The following PPM1H variants were observed in gnomAD, a reference collection of about 807,000 sequenced individuals.
The protein encoded by PPM1H is protein phosphatase, Mg2+/Mn2+ dependent 1H.
A neutral mutation model predicts 54.9 loss-of-function variants in PPM1H; 27 were observed. That is an observed-to-expected ratio of 0.49 (90% CI 0.36 to 0.68). The LOEUF is 0.68. Among genes scored for constraint, PPM1H ranks in the 30% least tolerant of loss-of-function variants. The pLI is 0.00. For missense variants in PPM1H, 596 were observed against 667.8 expected (o/e 0.89, Z 1.19); for synonymous variants, 305 against 270.8 (o/e 1.13, Z -1.24).
chr12:62,880,163 A>T (rs1870338171), intron 1 of PPM1H, among the ~76,000 whole-genome samples: 1 of 152,224 alleles, frequency 6.6e-6, no homozygotes, highest in Non-Finnish European at 1.5e-5. Flanking sequence ...ATGCATATAC[A>T]CACACACATA....
At chr12:62,828,008 T>A (rs1868309179) in intron 2 of PPM1H, among the ~76,000 whole-genome samples, 1 of 152,116 alleles carries the variant, frequency 6.6e-6, no homozygotes, top group South Asian at 2.1e-4. Context: ...AGACTCAGAG[T>A]TCAATATGTT....
chr12:62,704,343 T>C (rs533550791), intron 6 of PPM1H, among the ~76,000 whole-genome samples: 3 of 152,298 alleles, frequency 2.0e-5, no homozygotes, highest in African/African-American at 7.2e-5. Context: ...AGGCTCATCA[T>C]TGTATAGCAG....
chr12:62,801,727 C>T (rs904389351), intron 3 of PPM1H, 89 bp downstream of exon 3: 4 of 1,407,346 alleles, frequency 2.8e-6, no homozygotes, highest in African/African-American at 1.4e-5. Context: ...CAAAACCGTG[C>T]GCTTTCTGGG....
intron 4 of PPM1H, among the ~76,000 whole-genome samples, chr12:62,742,260 T>C (rs2076385709): frequency 6.6e-6 from 1 of 152,236 alleles, no homozygotes; most frequent in East Asian, 1.9e-4. Flanking sequence ...ATTTTTTCAC[T>C]TCCGTTTGAA....
intron 8 of PPM1H, among the ~76,000 whole-genome samples, chr12:62,683,429 T>G (rs757390900): frequency 6.6e-6 from 1 of 152,196 alleles, no homozygotes; most frequent in Non-Finnish European, 1.5e-5. Context: ...AGACAGGCTG[T>G]GATTGCTTGT....
intron 5 of PPM1H, among the ~76,000 whole-genome samples, chr12:62,735,048 C>CA (rs924283499): frequency 2.6e-5 from 4 of 150,990 alleles, no homozygotes; most frequent in African/African-American, 9.7e-5. Flanking sequence ...TGTCTCAAAA[C>CA]AAAAAACAAA....
intron 5 of PPM1H, among the ~76,000 whole-genome samples, chr12:62,727,280 G>A (rs163683): frequency 0.51 from 77,675 of 151,978 alleles, 23,836 homozygotes; most frequent in African/African-American, 0.86. Context: ...AAGGTGCTGA[G>A]TAAGTATTTG....
chr12:62,768,077 A>C (rs990015168), intron 4 of PPM1H, among the ~76,000 whole-genome samples: 2 of 152,206 alleles, frequency 1.3e-5, no homozygotes, highest in Admixed American at 6.5e-5. Context: ...TTGAGGGAAC[A>C]TAACAGTTCA....
At chr12:62,834,905 C>T (rs1179981192) in intron 1 of PPM1H, among the ~76,000 whole-genome samples, 2 of 152,054 alleles carry the variant, frequency 1.3e-5, no homozygotes, top group Non-Finnish European at 2.9e-5. Flanking sequence ...GTTATACCAC[C>T]ATGGTGTCCC....
intron 1 of PPM1H, among the ~76,000 whole-genome samples, chr12:62,896,347 C>T (rs1870987410): frequency 6.6e-6 from 1 of 152,040 alleles, no homozygotes; most frequent in Admixed American, 6.5e-5. Context: ...TGCAATCTAC[C>T]CATCTGACAA....
intron 1 of PPM1H, among the ~76,000 whole-genome samples, chr12:62,865,364 C>CG (rs1869738357): frequency 6.6e-6 from 1 of 152,134 alleles, no homozygotes; most frequent in South Asian, 2.1e-4. Context: ...ACCCCATCAC[C>CG]GTCACTGTCT....
chr12:62,683,655 G>A (rs2076035825), intron 8 of PPM1H, among the ~76,000 whole-genome samples: 1 of 152,136 alleles, frequency 6.6e-6, no homozygotes, highest in Non-Finnish European at 1.5e-5. Context: ...AATAAAATTG[G>A]GCCCCTGTGG....
intron 4 of PPM1H, among the ~76,000 whole-genome samples, chr12:62,779,220 TA>T (rs959043413): frequency 1.3e-5 from 2 of 152,006 alleles, no homozygotes; most frequent in African/African-American, 2.4e-5. Flanking sequence ...GTAATATATA[TA>T]TTTTTTTAGT....
At chr12:62,928,541 C>T (rs927893517) in intron 1 of PPM1H, among the ~76,000 whole-genome samples, 2 of 152,178 alleles carry the variant, frequency 1.3e-5, no homozygotes. Context: ...ACTCTCTCCC[C>T]CTTCTCCCCC....
At chr12:62,649,628 T>C (rs2075805344) in intron 9 of PPM1H, among the ~76,000 whole-genome samples, 1 of 152,248 alleles carries the variant, frequency 6.6e-6, no homozygotes, top group South Asian at 2.1e-4. Context: ...TCTATACCAT[T>C]AAGCATATGA....
chr12:62,664,539 C>A (rs983435531), intron 9 of PPM1H, among the ~76,000 whole-genome samples: 6 of 152,184 alleles, frequency 3.9e-5, no homozygotes, highest in African/African-American at 1.4e-4. Flanking sequence ...TCAAAAGAAG[C>A]ATAGCATGTG....
intron 1 of PPM1H, among the ~76,000 whole-genome samples, chr12:62,922,668 G>A (rs1342263033): frequency 6.6e-6 from 1 of 152,134 alleles, no homozygotes; most frequent in Admixed American, 6.5e-5. Flanking sequence ...GTATAACAAA[G>A]GAAGCACTAT....
chr12:62,793,986 C>G (rs888873347), intron 3 of PPM1H, among the ~76,000 whole-genome samples: 9 of 152,132 alleles, frequency 5.9e-5, no homozygotes, highest in Non-Finnish European at 1.3e-4. Flanking sequence ...GGCAGCTCCC[C>G]CTAGCTGAGT....
At chr12:62,929,134 C>A (rs1592675540) in intron 1 of PPM1H, among the ~76,000 whole-genome samples, 1 of 152,132 alleles carries the variant, frequency 6.6e-6, no homozygotes, top group Non-Finnish European at 1.5e-5. Context: ...TCCCTTTGAA[C>A]CTTAATAGTC....
Sources: allele counts gnomAD v4.1 joint callset (sites outside exome capture counted in the v4.1 genomes callset), GRCh38; gene constraint gnomAD v4.1.1; transcripts MANE v1.5; gene names NCBI Gene and HGNC (gene_info 2026-07-23, HGNC 2026-07-21).